Variants in HIVEP3 observed in about 807,000 individuals in gnomAD.
The protein encoded by HIVEP3 is HIVEP zinc finger 3, also known as transcription factor HIVEP3.
In HIVEP3, 49 loss-of-function variants were observed where a neutral mutation model predicts 152.8. The observed-to-expected ratio is 0.32, with a 90% CI of 0.26 to 0.41. HIVEP3 has a LOEUF of 0.41. Ranked by LOEUF, HIVEP3 falls within the 10% of genes least tolerant of loss-of-function variation. The pLI, the probability that HIVEP3 is intolerant of heterozygous loss-of-function variation, is 1.00. For synonymous variants in HIVEP3, 1,269 were observed against 1,289.0 expected, an observed-to-expected ratio of 0.98 and a Z score of 0.33; for missense variants, 2,790 against 3,103.3, an observed-to-expected ratio of 0.90 and a Z score of 2.40.
chr1:41,743,616 A>T (rs574595736), intron 1 of HIVEP3, among the ~76,000 whole-genome samples: 1 of 152,182 alleles, frequency 6.6e-6, no homozygotes, highest in South Asian at 2.1e-4. Flanking sequence ...AAGGCCTGAG[A>T]CCCCTGGAGA....
intron 5 of HIVEP3, among the ~76,000 whole-genome samples, chr1:41,530,614 C>T (rs1236091896): frequency 2.0e-5 from 3 of 152,130 alleles, no homozygotes; most frequent in Non-Finnish European, 2.9e-5. Context: ...GGCACTTGCT[C>T]CCCTCCCGCC....
At chr1:41,849,583 A>T (rs1023122088) in intron 1 of HIVEP3, among the ~76,000 whole-genome samples, 11 of 152,212 alleles carry the variant, frequency 7.2e-5, no homozygotes, top group African/African-American at 2.7e-4. Flanking sequence ...AGGACTGTTC[A>T]CCAAGCCAAG....
chr1:41,735,238 T>C (rs2124194632), intron 1 of HIVEP3, among the ~76,000 whole-genome samples: 1 of 152,306 alleles, frequency 6.6e-6, no homozygotes, highest in African/African-American at 2.4e-5. Flanking sequence ...TTCTATTGAG[T>C]GCCTGCTGTT....
intron 1 of HIVEP3, among the ~76,000 whole-genome samples, chr1:41,776,494 T>TGGGACA (rs1648712963): frequency 2.0e-5 from 3 of 152,166 alleles, no homozygotes; most frequent in African/African-American, 4.8e-5. Flanking sequence ...GACATCTCGG[T>TGGGACA]CTGTCTTTGG....
At chr1:41,801,220 T>A (rs1650283987) in intron 1 of HIVEP3, among the ~76,000 whole-genome samples, 1 of 152,016 alleles carries the variant, frequency 6.6e-6, no homozygotes, top group Non-Finnish European at 1.5e-5. Flanking sequence ...TAAGTGAAGA[T>A]ATTATTAAGG....
intron 5 of HIVEP3, among the ~76,000 whole-genome samples, chr1:41,530,488 C>T (rs898039990): frequency 2.0e-5 from 3 of 152,188 alleles, no homozygotes; most frequent in African/African-American, 7.2e-5. Context: ...TGAGATGGGG[C>T]CCCCTTTCCC....
At chr1:41,825,324 A>G (rs929738699) in intron 1 of HIVEP3, among the ~76,000 whole-genome samples, 1 of 152,100 alleles carries the variant, frequency 6.6e-6, no homozygotes, top group African/African-American at 2.4e-5. Context: ...CACAAGGACC[A>G]GGAATATCAC....
intron 1 of HIVEP3, among the ~76,000 whole-genome samples, chr1:41,949,976 G>A (rs1223437995): frequency 1.3e-5 from 2 of 152,176 alleles, no homozygotes; most frequent in African/African-American, 4.8e-5. Flanking sequence ...TTTTCCTGTT[G>A]AGAGAGGGTA....
At chr1:42,030,393 G>A (rs1218468131) in intron 1 of HIVEP3, among the ~76,000 whole-genome samples, 2 of 152,118 alleles carry the variant, frequency 1.3e-5, no homozygotes, top group East Asian at 1.9e-4. Context: ...ACAGGAAAGG[G>A]GGCATCCCAA....
At chr1:42,023,649 G>C (rs995556246) in intron 1 of HIVEP3, among the ~76,000 whole-genome samples, 1 of 151,920 alleles carries the variant, frequency 6.6e-6, no homozygotes, top group Middle Eastern at 3.2e-3. Flanking sequence ...AGCACCTCCC[G>C]CCATTCTCTC....
intron 1 of HIVEP3, among the ~76,000 whole-genome samples, chr1:42,035,536 C>A (rs1645636682): frequency 6.6e-6 from 1 of 152,204 alleles, no homozygotes; most frequent in African/African-American, 2.4e-5. Flanking sequence ...GCCCCCGCCC[C>A]AGGACCGGAG....
intron 5 of HIVEP3, among the ~76,000 whole-genome samples, chr1:41,531,415 G>A (rs1423416095): frequency 6.8e-6 from 1 of 147,908 alleles, no homozygotes; most frequent in South Asian, 2.2e-4. Context: ...GGACAGGAGA[G>A]ATGGAGGACA....
intron 1 of HIVEP3, among the ~76,000 whole-genome samples, chr1:41,781,880 T>G (rs188721927): frequency 3.9e-4 from 60 of 152,374 alleles, no homozygotes; most frequent in African/African-American, 1.4e-3. Flanking sequence ...CACCTCCTGC[T>G]GTTCTAAGGT....
At chr1:41,842,008 G>C (rs1182145582) in intron 1 of HIVEP3, among the ~76,000 whole-genome samples, 1 of 152,012 alleles carries the variant, frequency 6.6e-6, no homozygotes, top group Non-Finnish European at 1.5e-5. Flanking sequence ...CAGGAGAATT[G>C]CTTGAACCCA....
intron 1 of HIVEP3, among the ~76,000 whole-genome samples, chr1:41,765,094 G>A (rs1442950424): frequency 6.6e-6 from 1 of 152,182 alleles, no homozygotes; most frequent in Non-Finnish European, 1.5e-5. Flanking sequence ...CTTGCCTCTT[G>A]AGCTTCTTTG....
At chr1:41,994,503 G>A (rs1357864113) in intron 1 of HIVEP3, among the ~76,000 whole-genome samples, 1 of 152,176 alleles carries the variant, frequency 6.6e-6, no homozygotes. Context: ...TCTCATGATA[G>A]TGAATGAGTT....
intron 1 of HIVEP3, among the ~76,000 whole-genome samples, chr1:42,002,107 TAATAA>T (rs1003799441): frequency 4.6e-5 from 7 of 152,188 alleles, no homozygotes; most frequent in South Asian, 2.1e-4. Context: ...AAAAATAAAA[TAATAA>T]AATAAAATAA....
At chr1:41,879,310 G>A (rs1252987326) in intron 1 of HIVEP3, among the ~76,000 whole-genome samples, 1 of 152,164 alleles carries the variant, frequency 6.6e-6, no homozygotes, top group Non-Finnish European at 1.5e-5. Context: ...CATTCGCCAA[G>A]GAATACTAGG....
At chr1:41,754,331 C>T (rs1316509812) in intron 1 of HIVEP3, among the ~76,000 whole-genome samples, 3 of 152,152 alleles carry the variant, frequency 2.0e-5, no homozygotes, top group Admixed American at 6.5e-5. Context: ...AGAGACTCCA[C>T]TGCCCTTTGA....
Sources: gnomAD v4.1 joint callset for allele counts (sites outside exome capture counted in the v4.1 genomes callset) on GRCh38, gnomAD v4.1.1 for gene constraint, MANE v1.5 for transcripts, NCBI Gene and HGNC (gene_info 2026-07-23, HGNC 2026-07-21) for gene names.